The following GPM6A variants were observed in gnomAD, a reference collection of about 807,000 sequenced individuals.
GPM6A encodes glycoprotein M6A, also known as neuronal membrane glycoprotein M6-a.
A neutral mutation model predicts 32.1 loss-of-function variants in GPM6A; 7 were observed. The ratio of observed to expected loss-of-function variants is 0.22; its 90% confidence interval spans 0.12 to 0.41. GPM6A has a LOEUF of 0.41. GPM6A is among the 10% of genes least tolerant of loss of function. The pLI, the probability that GPM6A is intolerant of heterozygous loss-of-function variation, is 1.00. For missense variants in GPM6A, 235 were observed against 347.2 expected, an observed-to-expected ratio of 0.68 and a Z score of 2.57; for synonymous variants, 130 against 123.4, an observed-to-expected ratio of 1.05 and a Z score of -0.35.
At chr4:175,932,987 G>A (rs1382770411) in intron 1 of GPM6A, among the ~76,000 whole-genome samples, 2 of 151,924 alleles carry the variant, frequency 1.3e-5, no homozygotes, top group South Asian at 2.1e-4. Flanking sequence ...ATTGCATGAA[G>A]ACCACAAATA....
intron 1 of GPM6A, among the ~76,000 whole-genome samples, chr4:175,914,161 T>TG (rs112560416): frequency 0.12 from 18,550 of 149,886 alleles, 1,174 homozygotes; most frequent in South Asian, 0.25. Context: ...AAAAAATGTG[T>TG]GGGGGGGGTA....
chr4:175,811,932 A>C, intron 1 of GPM6A: 1 of 320,750 alleles, frequency 3.1e-6, no homozygotes, highest in Non-Finnish European at 5.6e-6. Flanking sequence ...GGTCTAAGGA[A>C]TAGTTCACTA....
chr4:175,751,599 T>C lies in GPM6A; in HGVS notation c.38-49832A>G, dbSNP rs1201434989. ...GTTTCTGGAGAGAGAGAGGAGCTTT[T>C]TCCAGCCGACTTGCCAAAAAGCTGA... On this transcript the variant is annotated intron_variant, in intron 1 of 6. Transcript: ENST00000393658. 3.3e-5 allele frequency among the ~76,000 whole-genome samples: 5 copies of C among 152,142 alleles called. No individual in the cohort carries two copies. In the South Asian group the frequency reaches 8.3e-4, roughly 25 times the overall value.
chr4:175,655,861 G>T (rs1446512985), intron 3 of GPM6A, among the ~76,000 whole-genome samples: 1 of 152,026 alleles, frequency 6.6e-6, no homozygotes, highest in African/African-American at 2.4e-5. Flanking sequence ...ACAAGGGGAA[G>T]GTTCTATATA....
At chr4:175,908,427 C>A (rs1387882021) in intron 1 of GPM6A, among the ~76,000 whole-genome samples, 1 of 152,110 alleles carries the variant, frequency 6.6e-6, no homozygotes, top group East Asian at 1.9e-4. Context: ...CAATATCCTA[C>A]CAGTCTCTAC....
chr4:175,787,476 T>C (rs957975247), intron 1 of GPM6A: 15 of 1,493,712 alleles, frequency 1.0e-5, no homozygotes, highest in South Asian at 1.3e-5. Flanking sequence ...TTCTAAATTG[T>C]TTTTTTAAGT....
At chr4:175,874,968 A>G (rs1226151150) in intron 1 of GPM6A, among the ~76,000 whole-genome samples, 2 of 152,154 alleles carry the variant, frequency 1.3e-5, no homozygotes, top group African/African-American at 2.4e-5. Context: ...CCTTAGCCCC[A>G]AGGTGTGTGT....
In GPM6A at chr4:175,801,536, G is replaced by C. The variant is rs962156022; in HGVS notation, c.37+10655C>G. 2.0e-5 allele frequency among the ~76,000 whole-genome samples: 3 copies of C among 152,190 alleles called. No individual in the cohort carries two copies. The East Asian group carries it at 5.8e-4, about 29-fold the overall frequency. On this transcript the variant is annotated intron_variant, in intron 1 of 6. Transcript: ENST00000393658. ...CTAAAGGCTGAAGCAAAATACATTT[G>C]TCAGTTAATAGGAGAGAATTTTCCA...
intron 1 of GPM6A, among the ~76,000 whole-genome samples, chr4:175,819,730 C>G (rs754059752): frequency 1.1e-4 from 17 of 152,222 alleles, no homozygotes; most frequent in Non-Finnish European, 2.1e-4. Flanking sequence ...TCCGCCTACA[C>G]TTATGTAAGT....
intron 1 of GPM6A, among the ~76,000 whole-genome samples, chr4:175,959,422 G>A (rs755107899): frequency 4.6e-5 from 7 of 151,502 alleles, no homozygotes; most frequent in East Asian, 1.9e-4. Context: ...GAATACACAC[G>A]TACACACATG....
chr4:175,958,709 T>A (rs1740068573), intron 1 of GPM6A, among the ~76,000 whole-genome samples: 1 of 152,210 alleles, frequency 6.6e-6, no homozygotes, highest in Non-Finnish European at 1.5e-5. Context: ...AACTAGGGTG[T>A]GATCTACTCA....
chr4:175,777,102 T>A (rs1176068528), intron 1 of GPM6A, among the ~76,000 whole-genome samples: 2 of 151,982 alleles, frequency 1.3e-5, no homozygotes, highest in African/African-American at 4.8e-5. Flanking sequence ...AAGATTGTAG[T>A]AGGGAAGATA....
At chr4:175,691,161 G>T in intron 2 of GPM6A, among the ~76,000 whole-genome samples, 1 of 152,186 alleles carries the variant, frequency 6.6e-6, no homozygotes, top group Non-Finnish European at 1.5e-5. Context: ...ACGTGAGGAT[G>T]AATTTTTGTC....
At chr4:175,789,797 C>G (rs1733941176) in intron 1 of GPM6A, among the ~76,000 whole-genome samples, 1 of 152,198 alleles carries the variant, frequency 6.6e-6, no homozygotes, top group Non-Finnish European at 1.5e-5. Flanking sequence ...CTAAATTTGG[C>G]TATGGCAGAA....
intron 1 of GPM6A, among the ~76,000 whole-genome samples, chr4:175,740,806 G>C (rs1433765164): frequency 6.6e-6 from 1 of 151,958 alleles, no homozygotes; most frequent in East Asian, 1.9e-4. Flanking sequence ...TAAACTAAAA[G>C]GGTAGCATTT....
chr4:175,764,191 C>A (rs1485065536), intron 1 of GPM6A, among the ~76,000 whole-genome samples: 1 of 152,166 alleles, frequency 6.6e-6, no homozygotes, highest in Non-Finnish European at 1.5e-5. Flanking sequence ...CCCTAGAGCA[C>A]CTACCAGTGA....
At chr4:175,677,349 C>A (rs1264980435) in intron 2 of GPM6A, among the ~76,000 whole-genome samples, 1 of 152,010 alleles carries the variant, frequency 6.6e-6, no homozygotes, top group Non-Finnish European at 1.5e-5. Flanking sequence ...TCCCTCTTGG[C>A]AAATAGGTTT....
chr4:175,879,633 G>C (rs1345426207), intron 1 of GPM6A, among the ~76,000 whole-genome samples: 1 of 152,042 alleles, frequency 6.6e-6, no homozygotes, highest in Admixed American at 6.6e-5. Flanking sequence ...GACACATGAG[G>C]ATTATTACAA....
intron 1 of GPM6A, among the ~76,000 whole-genome samples, chr4:175,987,187 G>A (rs1579688783): frequency 6.6e-6 from 1 of 152,262 alleles, no homozygotes; most frequent in East Asian, 1.9e-4. Context: ...TAAGCATTCT[G>A]TCTAGCAAAT....
Sources: allele counts gnomAD v4.1 joint callset (sites outside exome capture counted in the v4.1 genomes callset), GRCh38; gene constraint gnomAD v4.1.1; transcripts MANE v1.5; gene names NCBI Gene and HGNC (gene_info 2026-07-23, HGNC 2026-07-21).